PNPLA3: variants seen among roughly 807,000 people sequenced by gnomAD.
PNPLA3 encodes 1-acylglycerol-3-phosphate O-acyltransferase PNPLA3.
Under a neutral mutation model 43.1 loss-of-function variants are expected in PNPLA3, and 42 were observed. That is an observed-to-expected ratio of 0.97 (90% CI 0.76 to 1.26). PNPLA3 has a LOEUF of 1.26. Among genes scored for constraint, PNPLA3 ranks in the 50% most tolerant of loss-of-function variants. The pLI, the probability that PNPLA3 is intolerant of heterozygous loss-of-function variation, is 0.00. For synonymous variants in PNPLA3, 272 were observed against 253.6 expected (o/e 1.07, Z -0.69); for missense variants, 647 against 621.4 (o/e 1.04, Z -0.44).
At chr22:43,928,947 C>G (rs892484030) in intron 3 of PNPLA3, 58 bp downstream of exon 3, 2 of 1,502,974 alleles carry the variant, frequency 1.3e-6, no homozygotes, top group Non-Finnish European at 9.3e-7. Context: ...TGTGCTCACA[C>G]ATCTCCTGCC....
At chr22:43,928,922 T>C (rs1569009982) in intron 3 of PNPLA3, 33 bp downstream of exon 3, 1 of 1,572,712 alleles carries the variant, frequency 6.4e-7, no homozygotes, top group African/African-American at 1.3e-5. Flanking sequence ...CGCTGAGTCC[T>C]GGGGGCCTCT....
rs2049943031 is a variant in PNPLA3 at position 43,928,888 on chromosome 22, T to C, written c.485T>C (p.Val162Ala). ...CTTATCCCTCCTTCCTTCAGAGGCG[T>C]GGTAAGTCGGCTTTCTCTGCTAGCG... ...SGLIPPSFRG[V>A]RYVDGGVSDN... The change falls in exon 3 of 9, where the codon GTG becomes GCG. Residue 162 changes from valine (V) to alanine (A), a missense_variant and splice_region_variant. Physicochemically the swap from Val to Ala is moderately conservative, Grantham distance 64 (BLOSUM62 0). Transcript: ENST00000216180. The C allele has an allele frequency of 3.7e-6, 6 of 1,610,534 alleles. No individual in the cohort carries two copies. The highest frequency in any genetic ancestry group is 4.2e-6 in the Non-Finnish European group (5 of 1,176,786).
chr22:43,929,759 G>C (rs2049949833), intron 3 of PNPLA3, among the ~76,000 whole-genome samples: 1 of 151,742 alleles, frequency 6.6e-6, no homozygotes, highest in Non-Finnish European at 1.5e-5. Flanking sequence ...GTCACGCCAA[G>C]CTAATTTTTG....
chr22:43,935,904 A>G (rs1386308844), intron 5 of PNPLA3, among the ~76,000 whole-genome samples: 1 of 152,108 alleles, frequency 6.6e-6, no homozygotes. Flanking sequence ...GAAGCGAGAT[A>G]CCAGTGTCTA....
Position 43,937,275 on chromosome 22 carries a change from A to G in PNPLA3, c.979+3A>G, listed in dbSNP as rs1342351419. ...CCTCTCGCCCAGGCTCGCTACAGGT[A>G]CCCACTCCTCGGGGTGAGCACGGGC... is the stretch of plus-strand genomic sequence containing the variant. On this transcript the variant is annotated splice_donor_region_variant and intron_variant, in intron 6 of 8. Coordinates refer to ENST00000216180, the MANE Select transcript of PNPLA3 (RefSeq NM_025225.3). 5 of 1,613,138 alleles carry G rather than the reference A, an allele frequency of 3.1e-6. No individual in the cohort carries two copies. The highest frequency in any genetic ancestry group is 3.3e-5 in the Admixed American group (2 of 59,968).
rs2050063568 is a variant in PNPLA3, at chr22:43,946,334, T to C, written c.1398T>C (p.Ala466=). The change falls in exon 9 of 9, where the codon GCT becomes GCC. Residue 466 remains alanine, a synonymous_variant. Transcript: ENST00000216180. ...FFLGNKVPAG[A]EGLSTFPSFS... ...TGGGCAATAAAGTACCTGCTGGTGC[T>C]GAGGGGCTCTCCACCTTTCCCAGTT... 6.2e-7 allele frequency: 1 copy of C among 1,614,174 alleles called. No homozygotes were observed. The highest frequency in any genetic ancestry group is 1.1e-5 in the South Asian group (1 of 91,084).
chr22:43,946,090 A>G, intron 8 of PNPLA3, 64 bp from the exon 9 acceptor site: 5 of 1,483,350 alleles, frequency 3.4e-6, no homozygotes, highest in Non-Finnish European at 4.7e-6. Context: ...GGTCCACCGT[A>G]GCTCAGACTG....
At chr22:43,926,469 A>G (rs1776284908) in intron 1 of PNPLA3, among the ~76,000 whole-genome samples, 1 of 152,000 alleles carries the variant, frequency 6.6e-6, no homozygotes. Context: ...TGGGGCATGG[A>G]GGTGGGGCAT....
Position 43,946,418 on chromosome 22 carries a change from G to C in PNPLA3, c.*36G>C, listed in dbSNP as rs1569018374. On this transcript the variant is annotated 3_prime_UTR_variant, in exon 9 of 9. Transcript: ENST00000216180. ...GAGGCGAGTCTAGCAGATTCTTTCA[G>C]AGGTGCTAAAGTTTCCCATCTTTGT... 1.3e-6 allele frequency: 2 copies of C among 1,590,042 alleles called. No homozygotes were observed. The highest frequency in any genetic ancestry group is 1.3e-5 in the African/African-American group (1 of 74,270).
chr22:43,934,791 A>G lies in PNPLA3; in HGVS notation c.757+125A>G, dbSNP rs566614660. On this transcript the variant is annotated intron_variant, in intron 5 of 8. Coordinates refer to ENST00000216180, the MANE Select transcript of PNPLA3 (RefSeq NM_025225.3). The stretch of plus-strand genomic sequence containing the variant: ...CCCAACGCCTTCCTTGTGTTGCTCA[A>G]CCTACTCATGAGCCCAGGAGATAGG... The G allele has an allele frequency of 5.0e-5, 43 of 864,808 alleles. No individual in the cohort carries two copies. In the Admixed American group the frequency reaches 8.1e-4, roughly 16 times the overall value. The allele number at this position is 864,808 out of a possible 1,614,324, so 53.6% of individuals were successfully genotyped here. A position where few individuals can be genotyped will look rare whatever the true frequency, so the allele number is the denominator to read the frequency against.
At chr22:43,940,662 A>C (rs2050025286) in intron 7 of PNPLA3, among the ~76,000 whole-genome samples, 1 of 151,794 alleles carries the variant, frequency 6.6e-6, no homozygotes, top group South Asian at 2.1e-4. Context: ...TACAAAAATT[A>C]GTGGAGCATG....
At chr22:43,934,228 A>T (rs2049979822) in intron 4 of PNPLA3, among the ~76,000 whole-genome samples, 1 of 151,874 alleles carries the variant, frequency 6.6e-6, no homozygotes, top group African/African-American at 2.4e-5. Context: ...GAGGCAGGAA[A>T]ATGGCTTGAA....
chr22:43,932,040 G>A (rs2049964870), intron 3 of PNPLA3, among the ~76,000 whole-genome samples: 1 of 152,110 alleles, frequency 6.6e-6, no homozygotes, highest in Non-Finnish European at 1.5e-5. Flanking sequence ...GAGCCTCCCA[G>A]CTGGAATCTT....
chr22:43,945,747 T>TA (rs1271260760), intron 8 of PNPLA3, among the ~76,000 whole-genome samples: 2 of 152,124 alleles, frequency 1.3e-5, no homozygotes, highest in African/African-American at 4.8e-5. Flanking sequence ...AGAGGCTTCC[T>TA]AAGGCTCTTG....
chr22:43,934,354 A>G (rs1156587644), intron 4 of PNPLA3, among the ~76,000 whole-genome samples: 2 of 151,774 alleles, frequency 1.3e-5, no homozygotes, highest in Non-Finnish European at 2.9e-5. Flanking sequence ...AAAAGGAAAA[A>G]AAAGAGGCTC....
At chr22:43,941,105 T>A (rs929876989) in intron 7 of PNPLA3, among the ~76,000 whole-genome samples, 1 of 128,032 alleles carries the variant, frequency 7.8e-6, no homozygotes, top group Non-Finnish European at 1.5e-5. Context: ...GCCGAGATCA[T>A]GCCACTGCAC....
chr22:43,933,336 G>C lies in PNPLA3; in HGVS notation c.696+249G>C, dbSNP rs550449697. On this transcript the variant is annotated intron_variant, in intron 4 of 8. Coordinates refer to ENST00000216180, the MANE Select transcript of PNPLA3 (RefSeq NM_025225.3). ...TTCCCAGGCTGTGGTTATATAGTCA[G>C]GGGGGTGCAGTATGGGTATTAGGAT... Among the ~76,000 whole-genome samples, 256 of 152,272 alleles carry C rather than the reference G, an allele frequency of 1.7e-3. 1 individual carries two copies. Among genetic ancestry groups the C allele is most frequent in the Non-Finnish European group, 2.9e-3 (194 of 68,032 alleles).
intron 3 of PNPLA3, among the ~76,000 whole-genome samples, chr22:43,930,767 T>C (rs894582942): frequency 6.6e-6 from 1 of 152,194 alleles, no homozygotes; most frequent in African/African-American, 2.4e-5. Context: ...CTGCAGGCTC[T>C]GGAGTAGGCA....
chr22:43,944,512 G>A (rs1281743332), intron 7 of PNPLA3, among the ~76,000 whole-genome samples, 179 bp from the exon 8 acceptor site: 3 of 152,144 alleles, frequency 2.0e-5, no homozygotes, highest in Non-Finnish European at 4.4e-5. Flanking sequence ...ACCAGAAGTG[G>A]GCTCATTTTG....
Sources: gnomAD v4.1 joint callset for allele counts (sites outside exome capture counted in the v4.1 genomes callset) on GRCh38, gnomAD v4.1.1 for gene constraint, MANE v1.5 for transcripts, NCBI Gene and HGNC (gene_info 2026-07-23, HGNC 2026-07-21) for gene names.